The following CDH13 variants were observed in gnomAD, a reference collection of about 807,000 sequenced individuals.
CDH13 encodes cadherin-13.
Under a neutral mutation model 63.8 loss-of-function variants are expected in CDH13, and 24 were observed. That is an observed-to-expected ratio of 0.38 (90% CI 0.27 to 0.53). The LOEUF (loss-of-function observed/expected upper bound fraction) is 0.53. Ranked by LOEUF, CDH13 falls within the 20% of genes least tolerant of loss-of-function variation. The pLI is 0.85. For missense variants in CDH13, 1,049 were observed against 903.1 expected, an observed-to-expected ratio of 1.16 and a Z score of -2.07; for synonymous variants, 503 against 355.3, an observed-to-expected ratio of 1.42 and a Z score of -4.67.
intron 2 of CDH13, among the ~76,000 whole-genome samples, chr16:82,964,871 G>C (rs1907580111): frequency 6.6e-6 from 1 of 152,266 alleles, no homozygotes; most frequent in Non-Finnish European, 1.5e-5. Flanking sequence ...TTAGGACATG[G>C]TGGCACTAAC....
At chr16:83,511,461 CAAA>C (rs112318380) in intron 7 of CDH13, among the ~76,000 whole-genome samples, 2 of 131,138 alleles carry the variant, frequency 1.5e-5, no homozygotes, top group Non-Finnish European at 3.3e-5. Context: ...GATTCCATCT[CAAA>C]AAAAAAAAAA....
intron 6 of CDH13, among the ~76,000 whole-genome samples, chr16:83,462,490 G>A (rs1423703565): frequency 1.3e-5 from 2 of 152,222 alleles, no homozygotes; most frequent in Non-Finnish European, 2.9e-5. Context: ...AGTGGCTTAC[G>A]CCTGTAATCC....
At chr16:83,334,765 C>T (rs1037544178) in intron 5 of CDH13, among the ~76,000 whole-genome samples, 3 of 152,044 alleles carry the variant, frequency 2.0e-5, no homozygotes, top group Non-Finnish European at 2.9e-5. Context: ...GAATTGTAGA[C>T]CGAAACTTCA....
At chr16:82,938,131 G>T (rs2042725585) in intron 2 of CDH13, among the ~76,000 whole-genome samples, 1 of 152,170 alleles carries the variant, frequency 6.6e-6, no homozygotes, top group Non-Finnish European at 1.5e-5. Context: ...TTTATTTCTG[G>T]GAAGAATGTA....
intron 2 of CDH13, among the ~76,000 whole-genome samples, chr16:82,973,179 T>C (rs1909015422): frequency 6.6e-6 from 1 of 152,248 alleles, no homozygotes; most frequent in Non-Finnish European, 1.5e-5. Flanking sequence ...TCTTCCCTTC[T>C]ACCAACGTTC....
At chr16:83,600,292 G>A (rs1188786073) in intron 7 of CDH13, among the ~76,000 whole-genome samples, 3 of 152,230 alleles carry the variant, frequency 2.0e-5, no homozygotes, top group Non-Finnish European at 2.9e-5. Flanking sequence ...AATTGAAACC[G>A]AAACATGAGG....
rs181071512 is a variant in CDH13, at chr16:82,782,931, G to A, written c.46-75431G>A. Among the ~76,000 whole-genome samples the A allele has an allele frequency of 2.6e-4, 40 of 152,208 alleles. 1 individual carries two copies. Among genetic ancestry groups the A allele is most frequent in the African/African-American group, 9.1e-4 (38 of 41,550 alleles). ...TGAAATGCAACAGCTGTTACTAGGG[G>A]CAACTCTACTTCCCAAACAAGAACA... On this transcript the variant is annotated intron_variant, in intron 1 of 13. Transcript: ENST00000567109.
At chr16:83,752,153 C>G (rs1203527209) in intron 11 of CDH13, among the ~76,000 whole-genome samples, 2 of 152,186 alleles carry the variant, frequency 1.3e-5, no homozygotes, top group South Asian at 2.1e-4. Flanking sequence ...GTATCTGTAT[C>G]TGTGGAGAAA....
intron 2 of CDH13, among the ~76,000 whole-genome samples, chr16:82,965,638 C>G (rs186750063): frequency 1.3e-5 from 2 of 152,094 alleles, no homozygotes; most frequent in Non-Finnish European, 2.9e-5. Flanking sequence ...TCAAGGGATT[C>G]TCCTGCCATG....
At chr16:82,995,881 A>G (rs756102452) in intron 2 of CDH13, among the ~76,000 whole-genome samples, 1 of 152,164 alleles carries the variant, frequency 6.6e-6, no homozygotes, top group Admixed American at 6.5e-5. Flanking sequence ...TCGTTTAATT[A>G]TGAGAAAGTA....
At chr16:83,265,856 C>T (rs1473819931) in intron 5 of CDH13, among the ~76,000 whole-genome samples, 1 of 148,272 alleles carries the variant, frequency 6.7e-6, no homozygotes, top group African/African-American at 2.5e-5. Flanking sequence ...TTTGCATGGA[C>T]GTGCATGAAA....
At chr16:82,817,970 C>T (rs888281612) in intron 1 of CDH13, among the ~76,000 whole-genome samples, 1 of 152,112 alleles carries the variant, frequency 6.6e-6, no homozygotes, top group Middle Eastern at 3.2e-3. Flanking sequence ...TGTATGTATA[C>T]ACACATACAT....
chr16:83,239,627 G>T (rs1372220053), intron 5 of CDH13, among the ~76,000 whole-genome samples: 1 of 152,196 alleles, frequency 6.6e-6, no homozygotes, highest in Non-Finnish European at 1.5e-5. Flanking sequence ...TGTGACTGAG[G>T]TGATTTTTTT....
At chr16:83,119,457 CT>C (rs144749180) in intron 3 of CDH13, among the ~76,000 whole-genome samples, 53 of 152,276 alleles carry the variant, frequency 3.5e-4, no homozygotes, top group African/African-American at 1.2e-3. Flanking sequence ...CCCAAAATGC[CT>C]TTTTAAAAGC....
chr16:83,252,005 G>A (rs1172227733), intron 5 of CDH13, among the ~76,000 whole-genome samples: 1 of 150,718 alleles, frequency 6.6e-6, no homozygotes, highest in African/African-American at 2.4e-5. Context: ...CTGATCCCCG[G>A]GATGCATTGG....
At chr16:83,354,853 A>G (rs1309677368) in intron 6 of CDH13, among the ~76,000 whole-genome samples, 1 of 152,244 alleles carries the variant, frequency 6.6e-6, no homozygotes, top group Non-Finnish European at 1.5e-5. Flanking sequence ...TGTTTTTTAA[A>G]TAAAGTTTTA....
intron 5 of CDH13, among the ~76,000 whole-genome samples, chr16:83,264,718 G>A (rs1052752662): frequency 2.0e-5 from 3 of 150,972 alleles, no homozygotes; most frequent in African/African-American, 7.3e-5. Context: ...CTAATTCCTA[G>A]AGACAACACC....
At chr16:82,974,232 C>T (rs778744907) in intron 2 of CDH13, among the ~76,000 whole-genome samples, 1 of 152,214 alleles carries the variant, frequency 6.6e-6, no homozygotes, top group Non-Finnish European at 1.5e-5. Context: ...AGCCACCATG[C>T]CCGGCCTAAG....
intron 5 of CDH13, among the ~76,000 whole-genome samples, chr16:83,288,490 G>T (rs545901091): frequency 1.3e-5 from 2 of 152,304 alleles, no homozygotes; most frequent in East Asian, 3.9e-4. Context: ...GGTCGCAGGA[G>T]CAAGTGCAGG....
Sources: gnomAD v4.1 joint callset for allele counts (sites outside exome capture counted in the v4.1 genomes callset) on GRCh38, gnomAD v4.1.1 for gene constraint, MANE v1.5 for transcripts, NCBI Gene and HGNC (gene_info 2026-07-23, HGNC 2026-07-21) for gene names.